The following PHF19 variants were observed in gnomAD, a reference collection of about 807,000 sequenced individuals.
PHF19 encodes the protein polycomb like 3.
A neutral mutation model predicts 79.8 loss-of-function variants in PHF19; 21 were observed. That is an observed-to-expected ratio of 0.26 (90% CI 0.19 to 0.38). The LOEUF (loss-of-function observed/expected upper bound fraction) is 0.38. PHF19 is among the 10% of genes least tolerant of loss of function. The probability of loss-of-function intolerance (pLI) is 1.00; values close to 1 mark genes in which losing one functional copy is unlikely to be tolerated. For missense variants in PHF19, 445 were observed against 744.2 expected (o/e 0.60, Z 4.68); for synonymous variants, 273 against 296.3 (o/e 0.92, Z 0.81).
rs2045384825 is a variant in PHF19, at chr9:120,857,414, G to GA, written c.*529dup. The GA allele has an allele frequency of 6.6e-6, 1 of 152,640 alleles. No homozygotes were observed. 9.5% of individuals were successfully genotyped at this position (152,640 alleles called of 1,614,324 possible). The stretch of plus-strand genomic sequence containing the variant: ...CTCCGAGGGTAGTGGGGAGTGGCAG[G>GA]AAAGTGGAAGAGAAAAGCACTGAGC... On this transcript the variant is annotated 3_prime_UTR_variant, in exon 15 of 15. Coordinates refer to ENST00000373896, the MANE Select transcript of PHF19 (RefSeq NM_015651.3).
rs1246058165 is a variant in PHF19, at chr9:120,884,731, A to T, written c.43-9975T>A. Among the ~76,000 whole-genome samples the T allele has an allele frequency of 2.7e-5, 4 of 147,558 alleles. No individual in the cohort carries two copies. In the South Asian group the frequency reaches 8.8e-4, roughly 33 times the overall value. Reference sequence around the variant, plus strand: ...GAGACCAGCCTGGCCAACATGGTGAAACCAGATCTCTACCAAAAAATACAA... The same window carrying T: ...GAGACCAGCCTGGCCAACATGGTGATACCAGATCTCTACCAAAAAATACAA... On this transcript the variant is annotated intron_variant, in intron 1 of 14. Coordinates refer to the PHF19 transcript ENST00000616568.
chr9:120,860,494 G>T lies in PHF19; in HGVS notation c.1305-309C>A, dbSNP rs918187199. ...AAAGTGCTTTCATTTGCATTATCTT[G>T]TTTGAGGAAAAGAGCTGAGGAGGTT... is the stretch of plus-strand genomic sequence containing the variant. On this transcript the variant is annotated intron_variant, in intron 13 of 14. Transcript: ENST00000373896. The surrounding 1 kb of genome is among the most constrained non-coding windows in gnomAD (Gnocchi z 4.1). The T allele has an allele frequency of 8.1e-6, 3 of 372,418 alleles. No homozygotes were observed. The highest frequency in any genetic ancestry group is 1.5e-5 in the Non-Finnish European group (3 of 195,454). The allele number at this position is 372,418 out of a possible 1,614,324, so 23.1% of individuals were successfully genotyped here.
rs986007626 is a variant in PHF19, at chr9:120,866,374, C to A, written c.711-278G>T. 1.3e-5 allele frequency among the ~76,000 whole-genome samples: 2 copies of A among 152,200 alleles called. No individual in the cohort carries two copies. Among genetic ancestry groups the A allele is most frequent in the Admixed American group, 1.3e-4 (2 of 15,280 alleles). ...GAGCTAGGCTGGGCTGCCATGGTCA[C>A]CCTCTTCCCCTCTGAGACAGCCACA... On this transcript the variant is annotated intron_variant, in intron 7 of 14. Transcript: ENST00000373896. This position sits in a 1 kb window ranked among gnomAD's most constrained non-coding sequence, Gnocchi z 5.2.
At chr9:120,892,226 G>A (rs1044160222) in intron 1 of PHF19, among the ~76,000 whole-genome samples, 8 of 152,110 alleles carry the variant, frequency 5.3e-5, no homozygotes, top group South Asian at 2.1e-4. Context: ...CAATGTTTGC[G>A]GCAAACCCCA....
Position 120,865,710 on chromosome 9 carries a change from C to T in PHF19, c.900G>A (p.Lys300=), listed in dbSNP as rs373499061. 1.2e-6 allele frequency: 2 copies of T among 1,614,056 alleles called. No individual in the cohort carries two copies. The highest frequency in any genetic ancestry group is 1.7e-6 in the Non-Finnish European group (2 of 1,180,012). The change falls in exon 9 of 15, where the codon AAG becomes AAA. Residue 300 remains lysine (K), a splice_region_variant and synonymous_variant. Coordinates refer to ENST00000373896, the MANE Select transcript of PHF19 (RefSeq NM_015651.3). ...ACTGACATCCCACAACCCCACATAC[C>T]TTGCCAAGCTGCAGGAGCTCCCAGT... is the stretch of plus-strand genomic sequence containing the variant. The part of the protein sequence containing the change: ...NHHWELLQLG[K]LTSTPVTDRG...
chr9:120,857,276 C>G lies in PHF19; in HGVS notation c.*668G>C, dbSNP rs1477482938. 1 of 152,156 alleles carries G rather than the reference C, an allele frequency of 6.6e-6. No homozygotes were observed. Among genetic ancestry groups the G allele is most frequent in the Non-Finnish European group, 1.5e-5 (1 of 68,170 alleles). 9.4% of individuals were successfully genotyped at this position (152,156 alleles called of 1,614,324 possible). On this transcript the variant is annotated 3_prime_UTR_variant, in exon 15 of 15. Coordinates refer to ENST00000373896, the MANE Select transcript of PHF19 (RefSeq NM_015651.3). ...AAAGCTGACATTGGCAGCCTTCACT[C>G]TCAGCCTTAATACCTGGGCCCTGGT...
In PHF19 at chr9:120,872,108, T is replaced by C. The variant is rs536748066; in HGVS notation, c.269-1570A>G. Among the ~76,000 whole-genome samples, 11 of 133,062 alleles carry C rather than the reference T, an allele frequency of 8.3e-5. 1 individual carries two copies. Among genetic ancestry groups the C allele is most frequent in the Admixed American group, 8.1e-4 (10 of 12,346 alleles). The allele number at this position is 133,062 out of a possible 152,430, so 87.3% of individuals were successfully genotyped here. ...TCATCTCTGTATCCCCAGGACCTCA[T>C]AGAGTGTGGCATGTAACAGGTGTTC... On this transcript the variant is annotated intron_variant, in intron 3 of 14. Coordinates refer to ENST00000373896, the MANE Select transcript of PHF19 (RefSeq NM_015651.3).
chr9:120,863,630 G>A (rs2045604069), intron 10 of PHF19, among the ~76,000 whole-genome samples: 1 of 152,184 alleles, frequency 6.6e-6, no homozygotes, highest in South Asian at 2.1e-4. Flanking sequence ...GGCTGGGCAT[G>A]CCTCTGTGGT....
chr9:120,859,710 G>A (rs1704381967), intron 14 of PHF19, among the ~76,000 whole-genome samples: 1 of 152,174 alleles, frequency 6.6e-6, no homozygotes, highest in African/African-American at 2.4e-5. Context: ...TCAAGGTCAG[G>A]GAACTCTGTA....
chr9:120,864,051 G>C lies in PHF19; in HGVS notation c.966C>G (p.Ser322Arg), dbSNP rs2045621782. ...CTCCCTCCCCTCCCTGCACGCACCG[G>C]CTTTTATAACTGTTCAGAGCGTTGA... ...HLLNALNSYK[S>R]RFLCGKEIKK... is the part of the protein sequence containing the mutation. The change falls in exon 10 of 15, where the codon AGC becomes AGG. Residue 322 changes from serine to arginine, a missense_variant and splice_region_variant. Coordinates refer to ENST00000373896, the MANE Select transcript of PHF19 (RefSeq NM_015651.3). 6.2e-7 allele frequency: 1 copy of C among 1,613,386 alleles called. No homozygotes were observed. Among genetic ancestry groups the C allele is most frequent in the Non-Finnish European group, 8.5e-7 (1 of 1,179,588 alleles).
intron 12 of PHF19, 119 bp from the exon 13 acceptor site, chr9:120,861,293 C>CCAT: frequency 2.7e-6 from 2 of 743,468 alleles, no homozygotes; most frequent in Non-Finnish European, 5.0e-6. Context: ...TAGGGTAAGA[C>CCAT]CATCACCTTT....
At chr9:120,863,961 G>C in intron 10 of PHF19, 88 bp downstream of exon 10, 1 of 1,043,036 alleles carries the variant, frequency 9.6e-7, no homozygotes, top group South Asian at 1.4e-5. Context: ...AGAGAGGCAG[G>C]GAGCATAGCC....
At chr9:120,902,131 C>T in the PHF19 span, among the ~76,000 whole-genome samples, 2 of 152,332 alleles carry the variant, frequency 1.3e-5, no homozygotes, top group East Asian at 3.9e-4. Context: ...CATCAGAAAC[C>T]TGAATGGCTT....
chr9:120,870,645 C>G lies in PHF19; in HGVS notation c.269-107G>C. The G allele has an allele frequency of 1.5e-6, 1 of 685,754 alleles. No homozygotes were observed. The allele number at this position is 685,754 out of a possible 1,614,324, so 42.5% of individuals were successfully genotyped here. On this transcript the variant is annotated intron_variant, in intron 3 of 14. Transcript: ENST00000373896. The surrounding 1 kb of genome is among the most constrained non-coding windows in gnomAD (Gnocchi z 4.4). Reference sequence around the variant, plus strand: ...ATGTCTGCTAGGCCTAGCGCTGGGCCCCACATGCCACCTCACTGAATCTCC... The same window carrying G: ...ATGTCTGCTAGGCCTAGCGCTGGGCGCCACATGCCACCTCACTGAATCTCC...
rs548039761 is a variant in PHF19, at chr9:120,870,916, T to C, written c.269-378A>G. 6.6e-6 allele frequency among the ~76,000 whole-genome samples: 1 copy of C among 152,358 alleles called. No homozygotes were observed. The highest frequency in any genetic ancestry group is 2.1e-4 in the South Asian group (1 of 4,834). On this transcript the variant is annotated intron_variant, in intron 3 of 14. Transcript: ENST00000373896. The surrounding 1 kb of genome is among the most constrained non-coding windows in gnomAD (Gnocchi z 4.4). ...TATGGGATAATATAATTTGTTTGTT[T>C]GTTTTGTTGAGATGGAGTCTCTGTC...
chr9:120,872,100 G>A (rs1378427253), intron 3 of PHF19, among the ~76,000 whole-genome samples: 1 of 143,168 alleles, frequency 7.0e-6, no homozygotes, highest in Non-Finnish European at 1.5e-5. Flanking sequence ...TGTATCCCCA[G>A]GACCTCATAG....
intron 1 of PHF19, among the ~76,000 whole-genome samples, chr9:120,887,224 G>A (rs988215077): frequency 4.0e-5 from 6 of 151,776 alleles, no homozygotes; most frequent in South Asian, 2.1e-4. Flanking sequence ...GGAGGCCAAG[G>A]TGGGCGGATC....
intron 1 of PHF19, among the ~76,000 whole-genome samples, chr9:120,890,176 C>G (rs1319836927): frequency 6.6e-6 from 1 of 151,624 alleles, no homozygotes; most frequent in African/African-American, 2.4e-5. Context: ...TTATCATCAT[C>G]CTTTTAACTT....
upstream of PHF19, among the ~76,000 whole-genome samples, chr9:120,899,689 C>A (rs1338968826): frequency 6.6e-6 from 1 of 152,136 alleles, no homozygotes; most frequent in Non-Finnish European, 1.5e-5. Flanking sequence ...AAAGTAGATG[C>A]TGTTTGTCTC....
Sources: allele counts gnomAD v4.1 joint callset (sites outside exome capture counted in the v4.1 genomes callset), GRCh38; gene constraint gnomAD v4.1.1; non-coding constraint Gnocchi (gnomAD v3.1); transcripts MANE v1.5; gene names NCBI Gene and HGNC (gene_info 2026-07-23, HGNC 2026-07-21).